TXNRD1: variants seen among roughly 807,000 people sequenced by gnomAD.
TXNRD1 encodes the protein thioredoxin reductase 1, cytoplasmic.
Under a neutral mutation model 80.3 loss-of-function variants are expected in TXNRD1, and 57 were observed. That is an observed-to-expected ratio of 0.71 (90% confidence interval 0.57 to 0.89). The LOEUF is 0.89. TXNRD1 is among the 40% of genes least tolerant of loss of function. The probability of loss-of-function intolerance (pLI) is 0.00; values close to 1 mark genes in which losing one functional copy is unlikely to be tolerated. For synonymous variants in TXNRD1, 291 were observed against 285.2 expected, an observed-to-expected ratio of 1.02 and a Z score of -0.20; for missense variants, 730 against 803.0, an observed-to-expected ratio of 0.91 and a Z score of 1.10.
intron 5 of TXNRD1, among the ~76,000 whole-genome samples, chr12:104,311,650 T>C (rs531150482): frequency 1.5e-4 from 23 of 152,302 alleles, no homozygotes; most frequent in Admixed American, 1.4e-3. Context: ...GGAACACGTT[T>C]CCGTTCACTT....
intron 1 of TXNRD1, among the ~76,000 whole-genome samples, chr12:104,249,563 T>G (rs2033066947): frequency 6.6e-6 from 1 of 152,152 alleles, no homozygotes; most frequent in Non-Finnish European, 1.5e-5. Flanking sequence ...TTTCTTAAAT[T>G]AACTATCTTT....
intron 10 of TXNRD1, among the ~76,000 whole-genome samples, chr12:104,323,424 C>T (rs1242120728): frequency 6.6e-6 from 1 of 150,406 alleles, no homozygotes; most frequent in Admixed American, 6.6e-5. Context: ...CACCTCCCTC[C>T]CGGACGGGGC....
At chr12:104,304,144 G>A (rs377359774) in intron 4 of TXNRD1, 4 of 1,613,968 alleles carry the variant, frequency 2.5e-6, no homozygotes, top group African/African-American at 2.7e-5. Flanking sequence ...CCGAGGCTCT[G>A]GAGGAAGCCA....
At chr12:104,278,186 ATTCTTTTTTTTTTT>A (rs1565874524) in intron 3 of TXNRD1, among the ~76,000 whole-genome samples, 3 of 92,882 alleles carry the variant, frequency 3.2e-5, no homozygotes, top group African/African-American at 4.4e-5. Context: ...CTCTGATCAA[ATTCTTTTTTTTTTT>A]TTTTTTTTTT....
At position 104,318,990 on chromosome 12, in the gene TXNRD1, C is replaced by T. The variant is rs776750138; in HGVS notation, c.808C>T (p.Leu270=). Residue 270 remains leucine (L), a synonymous_variant, in exon 8 of 17, where the codon CTG becomes TTG. Transcript: ENST00000525566. ...TTTGAATTGGGGCTACCGAGTAGCT[C>T]TGCGGGAGAAAAAAGTCGTCTATGA... is the stretch of plus-strand genomic sequence containing the variant. The part of the protein sequence containing the change: ...GSLNWGYRVA[L]REKKVVYENA... 4 of 1,613,556 alleles carry T rather than the reference C, an allele frequency of 2.5e-6. No individual in the cohort carries two copies. In the African/African-American group the frequency reaches 5.3e-5, roughly 22 times the overall value.
At position 104,306,535 on chromosome 12, in the gene TXNRD1, AGTG is replaced by A. The variant is rs138404160; in HGVS notation, c.415-4752_415-4750del. Reference sequence around the variant, plus strand: ...AGTGGCAAACTTTCCTAGTAAGTCTAGTGGTACAGGAAAGGGAAATCCAAAGAC... The same window carrying A: ...AGTGGCAAACTTTCCTAGTAAGTCTAGTACAGGAAAGGGAAATCCAAAGAC... On this transcript the variant is annotated intron_variant, in intron 4 of 16. Coordinates refer to ENST00000525566, the MANE Select transcript of TXNRD1 (RefSeq NM_001093771.3). Among the ~76,000 whole-genome samples the A allele has an allele frequency of 6.4e-3, 978 of 152,334 alleles. 9 individuals are homozygous for A. The highest frequency in any genetic ancestry group is 0.022 in the African/African-American group (924 of 41,580).
Position 104,239,505 on chromosome 12 carries a change from A to G in TXNRD1, c.92-12022A>G, listed in dbSNP as rs1372761958. 3.9e-5 allele frequency among the ~76,000 whole-genome samples: 6 copies of G among 151,998 alleles called. No individual in the cohort carries two copies. In the South Asian group the frequency reaches 1.2e-3, roughly 32 times the overall value. On this transcript the variant is annotated intron_variant, in intron 1 of 16. Transcript: ENST00000525566. ...CCACTGCACCTGGCCAAGAGTTTTT[A>G]TTGCTAATTCAATCTCTTGTCTATT...
At chr12:104,252,624 A>G (rs1412370642) in intron 2 of TXNRD1, among the ~76,000 whole-genome samples, 1 of 130,890 alleles carries the variant, frequency 7.6e-6, no homozygotes, top group African/African-American at 3.0e-5. Context: ...ATAACTGGCC[A>G]TCTGTCCAGG....
chr12:104,298,818 T>TA (rs1180555277), intron 4 of TXNRD1, among the ~76,000 whole-genome samples: 1 of 151,992 alleles, frequency 6.6e-6, no homozygotes, highest in African/African-American at 2.4e-5. Flanking sequence ...GTTTTTTTTT[T>TA]TACATTTGCT....
chr12:104,233,200 C>T (rs1565854924), intron 1 of TXNRD1, among the ~76,000 whole-genome samples: 3 of 152,136 alleles, frequency 2.0e-5, no homozygotes, highest in African/African-American at 4.8e-5. Context: ...TTAACAGCTA[C>T]ATAGGGCTTA....
chr12:104,216,844 T>C (rs1305703035), intron 1 of TXNRD1, among the ~76,000 whole-genome samples: 3 of 152,244 alleles, frequency 2.0e-5, no homozygotes, highest in Non-Finnish European at 4.4e-5. Flanking sequence ...TATTAAATGC[T>C]GTAGGATCTG....
rs563909429 is a variant in TXNRD1 at position 104,215,785 on chromosome 12, C to T, written c.-18C>T. 32 of 1,551,510 alleles carry T rather than the reference C, an allele frequency of 2.1e-5. No individual in the cohort carries two copies. The highest frequency in any genetic ancestry group is 1.8e-4 in the Admixed American group (9 of 51,042). On this transcript the variant is annotated 5_prime_UTR_variant, in exon 1 of 17. Transcript: ENST00000525566. ...GGCGTCCTTCGGCTCCGTCAGTTCCCACAGGGCCTTGTGCGACATGGGCTG... is the reference window on the plus strand; with the variant it reads ...GGCGTCCTTCGGCTCCGTCAGTTCCTACAGGGCCTTGTGCGACATGGGCTG...
chr12:104,253,650 T>A (rs895844028), intron 2 of TXNRD1, among the ~76,000 whole-genome samples: 1 of 152,114 alleles, frequency 6.6e-6, no homozygotes, highest in Non-Finnish European at 1.5e-5. Context: ...TCCTTTTTTT[T>A]AATCTTTAAA....
At chr12:104,229,248 A>G (rs2032554517) in intron 1 of TXNRD1, among the ~76,000 whole-genome samples, 1 of 148,492 alleles carries the variant, frequency 6.7e-6, no homozygotes, top group Admixed American at 6.7e-5. Flanking sequence ...CCTGGGCTCA[A>G]GCAATCCTCC....
Position 104,289,020 on chromosome 12 carries a change from G to A in TXNRD1, c.394G>A (p.Gly132Ser), listed in dbSNP as rs1186713810. ...VVFVKQRKIG[G>S]HGPTLKAYQE... ...GTTTGTGAAACAGAGAAAGATAGGC[G>A]GCCATGGTCCAACCTTGAAGGTAGG... The change falls in exon 4 of 17, where the codon GGC becomes AGC. Residue 132 changes from glycine to serine, a missense_variant. Physicochemically the swap from Gly to Ser is moderately conservative, Grantham distance 56. Coordinates refer to ENST00000525566, the MANE Select transcript of TXNRD1 (RefSeq NM_001093771.3). The A allele has an allele frequency of 1.2e-6, 2 of 1,613,850 alleles. No individual in the cohort carries two copies. Among genetic ancestry groups the A allele is most frequent in the East Asian group, 2.2e-5 (1 of 44,894 alleles).
chr12:104,325,077 T>TC (rs374444890), intron 10 of TXNRD1, among the ~76,000 whole-genome samples: 20 of 152,126 alleles, frequency 1.3e-4, no homozygotes, highest in South Asian at 8.3e-4. Context: ...AGCTTGCTTT[T>TC]CCCCCCCATT....
At chr12:104,228,965 C>T (rs929871716) in intron 1 of TXNRD1, among the ~76,000 whole-genome samples, 5 of 151,826 alleles carry the variant, frequency 3.3e-5, no homozygotes, top group Non-Finnish European at 7.4e-5. Context: ...GTGATCCCCC[C>T]GCCTCGGCCT....
intron 1 of TXNRD1, among the ~76,000 whole-genome samples, chr12:104,228,931 G>A (rs568193009): frequency 6.6e-6 from 1 of 151,860 alleles, no homozygotes; most frequent in Non-Finnish European, 1.5e-5. Flanking sequence ...GTGTTAGCCA[G>A]GCTGGTCTCG....
chr12:104,292,394 C>T (rs1329358530), intron 4 of TXNRD1, among the ~76,000 whole-genome samples: 1 of 105,766 alleles, frequency 9.5e-6, no homozygotes, highest in Non-Finnish European at 2.2e-5. Context: ...CGCCCCCCCG[C>T]CTTTTTTTTT....
Sources: gnomAD v4.1 joint callset for allele counts (sites outside exome capture counted in the v4.1 genomes callset) on GRCh38, gnomAD v4.1.1 for gene constraint, MANE v1.5 for transcripts, NCBI Gene and HGNC (gene_info 2026-07-23, HGNC 2026-07-21) for gene names.